Variants in SPOCK3 observed in about 807,000 individuals in gnomAD.
The protein encoded by SPOCK3 is SPARC (osteonectin), cwcv and kazal like domains proteoglycan 3, also known as testican-3.
SPOCK3 carries 30 observed loss-of-function variants against 56.6 expected under a neutral mutation model. The observed-to-expected ratio is 0.53, with a 90% CI of 0.40 to 0.72. The LOEUF (loss-of-function observed/expected upper bound fraction) is 0.72, where lower values mean the gene tolerates loss of function less well. Ranked by LOEUF, SPOCK3 falls within the 30% of genes least tolerant of loss-of-function variation. The pLI is 0.00. For synonymous variants in SPOCK3, 196 were observed against 183.3 expected (o/e 1.07, Z -0.56); for missense variants, 527 against 530.0 (o/e 0.99, Z 0.06).
At chr4:166,826,081 C>T (rs187294669) in intron 6 of SPOCK3, among the ~76,000 whole-genome samples, 2 of 152,042 alleles carry the variant, frequency 1.3e-5, no homozygotes, top group African/African-American at 2.4e-5. Context: ...GTTGTAAGAT[C>T]CAAGAGCCAA....
At chr4:167,030,093 C>T (rs1035466976) in intron 3 of SPOCK3, among the ~76,000 whole-genome samples, 5 of 148,826 alleles carry the variant, frequency 3.4e-5, no homozygotes, top group Admixed American at 6.6e-5. Context: ...TTCTATCTAT[C>T]TATCTATCTA....
chr4:167,095,200 C>A (rs1759045715), intron 2 of SPOCK3, among the ~76,000 whole-genome samples: 1 of 151,988 alleles, frequency 6.6e-6, no homozygotes, highest in African/African-American at 2.4e-5. Flanking sequence ...TAATGATTAA[C>A]CAAATATCTG....
chr4:166,978,439 T>G (rs1485805078), intron 4 of SPOCK3, among the ~76,000 whole-genome samples: 2 of 152,172 alleles, frequency 1.3e-5, no homozygotes, highest in Non-Finnish European at 2.9e-5. Flanking sequence ...CTCTATTGTT[T>G]GAACAAAATT....
chr4:167,118,532 T>G (rs779305837), intron 2 of SPOCK3, among the ~76,000 whole-genome samples: 2 of 152,174 alleles, frequency 1.3e-5, no homozygotes, highest in African/African-American at 2.4e-5. Context: ...GATGGTCTCA[T>G]TTATTTTGAC....
intron 2 of SPOCK3, among the ~76,000 whole-genome samples, chr4:167,107,707 A>C (rs1245626025): frequency 6.6e-6 from 1 of 151,892 alleles, no homozygotes; most frequent in African/African-American, 2.4e-5. Context: ...GAAAAACTTA[A>C]AGACATCACA....
intron 5 of SPOCK3, among the ~76,000 whole-genome samples, chr4:166,891,798 T>C (rs1018673602): frequency 6.6e-6 from 1 of 151,962 alleles, no homozygotes; most frequent in Non-Finnish European, 1.5e-5. Context: ...TTCTGATTCA[T>C]GACATAATTT....
intron 4 of SPOCK3, among the ~76,000 whole-genome samples, chr4:166,960,475 AC>A (rs1413728392): frequency 2.0e-5 from 3 of 152,162 alleles, no homozygotes; most frequent in Admixed American, 6.6e-5. Context: ...AATACTCATT[AC>A]CCCAGAATAT....
intron 2 of SPOCK3, among the ~76,000 whole-genome samples, chr4:167,133,078 T>C (rs930445699): frequency 8.5e-5 from 13 of 152,194 alleles, no homozygotes; most frequent in African/African-American, 3.1e-4. Flanking sequence ...GCCTCTGAAA[T>C]ATGTCCACAT....
chr4:167,062,903 AC>A (rs1343890296), intron 2 of SPOCK3, among the ~76,000 whole-genome samples: 2 of 152,016 alleles, frequency 1.3e-5, no homozygotes, highest in African/African-American at 4.8e-5. Flanking sequence ...GCAGATAATT[AC>A]CTAAAGCTAA....
intron 3 of SPOCK3, among the ~76,000 whole-genome samples, chr4:167,049,503 T>C (rs1013429769): frequency 2.0e-5 from 3 of 152,114 alleles, no homozygotes; most frequent in African/African-American, 7.2e-5. Context: ...ATCACCTCTT[T>C]TTTATATAGA....
chr4:167,088,463 T>A (rs1026953437), intron 2 of SPOCK3, among the ~76,000 whole-genome samples: 1 of 78,352 alleles, frequency 1.3e-5, no homozygotes, highest in Non-Finnish European at 2.3e-5. Flanking sequence ...TATGAAAACT[T>A]TTTTTTTTTT....
At chr4:167,024,860 A>AT (rs888827305) in intron 3 of SPOCK3, among the ~76,000 whole-genome samples, 21 of 151,786 alleles carry the variant, frequency 1.4e-4, no homozygotes, top group South Asian at 8.3e-4. Context: ...ATAAAAAAAA[A>AT]TTTTAAAAAT....
At position 167,233,871 on chromosome 4, in the gene SPOCK3, T is replaced by C; in HGVS notation, c.189+114A>G. On this transcript the variant is annotated intron_variant, in intron 2 of 10. Transcript: ENST00000357545. ...GCAGCCCTGCGCCGCCGCGTTTCCC[T>C]AAACCCCTCTCCTCAGAAAACGGAG... The C allele has an allele frequency of 7.6e-6, 7 of 916,018 alleles. No homozygotes were observed. In the South Asian group the frequency reaches 1.0e-4, roughly 14 times the overall value. 56.7% of individuals were successfully genotyped at this position (916,018 alleles called of 1,614,324 possible).
chr4:167,060,227 T>A (rs951427445), intron 3 of SPOCK3, among the ~76,000 whole-genome samples: 2 of 151,162 alleles, frequency 1.3e-5, no homozygotes, highest in East Asian at 3.9e-4. Flanking sequence ...AAAAGAATGA[T>A]ATCCTGTCAT....
At chr4:166,773,969 A>T (rs1489071023) in intron 7 of SPOCK3, among the ~76,000 whole-genome samples, 2 of 152,230 alleles carry the variant, frequency 1.3e-5, no homozygotes, top group African/African-American at 4.8e-5. Context: ...TCTCTGGAAG[A>T]AAACTCAGGA....
chr4:166,879,063 T>C (rs1376279410), intron 6 of SPOCK3, among the ~76,000 whole-genome samples: 1 of 152,102 alleles, frequency 6.6e-6, no homozygotes, highest in Non-Finnish European at 1.5e-5. Context: ...AACCAAAATT[T>C]AGAAAAGTGA....
chr4:167,089,585 C>T (rs770979598), intron 2 of SPOCK3, among the ~76,000 whole-genome samples: 17 of 151,986 alleles, frequency 1.1e-4, no homozygotes, highest in South Asian at 2.1e-4. Context: ...AATTTTTAAC[C>T]CCACAAATCA....
chr4:166,736,970 T>C (rs1340603206), intron 10 of SPOCK3, among the ~76,000 whole-genome samples: 1 of 152,124 alleles, frequency 6.6e-6, no homozygotes, highest in Non-Finnish European at 1.5e-5. Context: ...AAACTACATT[T>C]TCCTCACTCA....
intron 6 of SPOCK3, among the ~76,000 whole-genome samples, chr4:166,886,289 C>CA (rs1490674791): frequency 1.3e-5 from 2 of 151,400 alleles, no homozygotes; most frequent in African/African-American, 4.9e-5. Context: ...AGTACGTTAA[C>CA]AAAAAAAGAT....
Sources: allele counts gnomAD v4.1 joint callset (sites outside exome capture counted in the v4.1 genomes callset), GRCh38; gene constraint gnomAD v4.1.1; transcripts MANE v1.5; gene names NCBI Gene and HGNC (gene_info 2026-07-23, HGNC 2026-07-21).